AKAP13: variants seen among roughly 807,000 people sequenced by gnomAD.
AKAP13 encodes A-kinase anchor protein 13.
Under a neutral mutation model 264.5 loss-of-function variants are expected in AKAP13, and 80 were observed. That is an observed-to-expected ratio of 0.30 (90% confidence interval 0.25 to 0.36). The LOEUF is 0.36. Ranked by LOEUF, AKAP13 falls within the 10% of genes least tolerant of loss-of-function variation. The pLI is 1.00. For missense variants in AKAP13, 3,712 were observed against 3,435.2 expected (o/e 1.08, Z -2.01); for synonymous variants, 1,380 against 1,250.2 (o/e 1.10, Z -2.19).
intron 4 of AKAP13, chr15:85,536,574 A>T (rs945549404): frequency 6.6e-6 from 1 of 152,244 alleles, no homozygotes; most frequent in East Asian, 1.9e-4. Flanking sequence ...AATAACCCAG[A>T]TTTCCCTCAC....
intron 23 of AKAP13, 130 bp downstream of exon 23, chr15:85,719,456 T>G: frequency 1.6e-6 from 2 of 1,239,942 alleles, no homozygotes; most frequent in Non-Finnish European, 2.2e-6. Context: ...ACTTATTTAA[T>G]TTCTCTGGAG....
At chr15:85,589,353 A>T (rs2079493661) in intron 8 of AKAP13, among the ~76,000 whole-genome samples, 1 of 152,132 alleles carries the variant, frequency 6.6e-6, no homozygotes, top group South Asian at 2.1e-4. Flanking sequence ...AAGGAGTGTC[A>T]CTGTGCTTCA....
Position 85,562,312 on chromosome 15 carries a change from C to T in AKAP13, c.663-12819C>T, listed in dbSNP as rs538845398. Reference sequence around the variant, plus strand: ...GGGCGTGGTGGCTCACACCTGTAATCCCAGCAGTTTGGGAGGCCGAGGCGT... The same window carrying T: ...GGGCGTGGTGGCTCACACCTGTAATTCCAGCAGTTTGGGAGGCCGAGGCGT... On this transcript the variant is annotated intron_variant, in intron 5 of 36. Coordinates refer to ENST00000394518, the MANE Select transcript of AKAP13 (RefSeq NM_007200.5). 7.2e-5 allele frequency among the ~76,000 whole-genome samples: 11 copies of T among 152,080 alleles called. 1 individual carries two copies. The highest frequency in any genetic ancestry group is 2.7e-4 in the African/African-American group (11 of 41,484).
At chr15:85,593,877 G>GT (rs2079691602) in intron 8 of AKAP13, among the ~76,000 whole-genome samples, 1 of 152,074 alleles carries the variant, frequency 6.6e-6, no homozygotes, top group African/African-American at 2.4e-5. Context: ...GTGAATTAGG[G>GT]TTTTAACCTA....
chr15:85,633,162 G>A (rs1033929463), intron 8 of AKAP13, among the ~76,000 whole-genome samples: 1 of 152,126 alleles, frequency 6.6e-6, no homozygotes, highest in Non-Finnish European at 1.5e-5. Flanking sequence ...CACCGCGCCC[G>A]GCAGAAATAG....
chr15:85,741,733 A>C (rs373273512), intron 35 of AKAP13, among the ~76,000 whole-genome samples: 2,290 of 123,122 alleles, frequency 0.019, 29 homozygotes, highest in African/African-American at 0.043. Flanking sequence ...AACAAACAAA[A>C]AAAAAAAACA....
At chr15:85,744,464 C>T (rs1023394962) in intron 36 of AKAP13, 164 bp from the exon 37 acceptor site, 30 of 723,728 alleles carry the variant, frequency 4.1e-5, no homozygotes, top group Non-Finnish European at 6.6e-5. Flanking sequence ...ACTTAAGAAC[C>T]TTATTAACCA....
intron 10 of AKAP13, among the ~76,000 whole-genome samples, chr15:85,653,710 A>G (rs2082972129): frequency 6.6e-6 from 1 of 152,186 alleles, no homozygotes; most frequent in South Asian, 2.1e-4. Flanking sequence ...AACATTGAGT[A>G]GACTAATTTG....
At chr15:85,467,613 C>T (rs547372957) in intron 1 of AKAP13, among the ~76,000 whole-genome samples, 1 of 152,080 alleles carries the variant, frequency 6.6e-6, no homozygotes, top group Non-Finnish European at 1.5e-5. Context: ...GTAGAATTGG[C>T]CACTCCCTTG....
At chr15:85,627,305 A>G (rs1018124421) in intron 8 of AKAP13, among the ~76,000 whole-genome samples, 4 of 151,946 alleles carry the variant, frequency 2.6e-5, no homozygotes, top group East Asian at 3.9e-4. Flanking sequence ...TAGATTTCCT[A>G]TTTCTGTTCA....
intron 8 of AKAP13, among the ~76,000 whole-genome samples, chr15:85,635,370 A>G (rs2082026356): frequency 1.3e-5 from 2 of 152,250 alleles, no homozygotes; most frequent in East Asian, 1.9e-4. Flanking sequence ...TTTTAAATAA[A>G]ATGTTTATTC....
At chr15:85,648,210 A>G (rs1041717866) in intron 10 of AKAP13, among the ~76,000 whole-genome samples, 3 of 152,256 alleles carry the variant, frequency 2.0e-5, no homozygotes, top group African/African-American at 7.2e-5. Context: ...ATCATTGATA[A>G]TCATTGAAAC....
At chr15:85,700,491 G>A (rs1386372611) in intron 17 of AKAP13, among the ~76,000 whole-genome samples, 6 of 152,180 alleles carry the variant, frequency 3.9e-5, no homozygotes, top group East Asian at 1.9e-4. Context: ...AGAGGTACCC[G>A]TGGAGAATCA....
chr15:85,620,153 T>A (rs759419054), intron 8 of AKAP13: 168 of 1,535,990 alleles, frequency 1.1e-4, no homozygotes, highest in Non-Finnish European at 1.4e-4. Flanking sequence ...GACAGGACTG[T>A]GGACGTGGTA....
chr15:85,499,528 C>G (rs867430206), intron 2 of AKAP13, among the ~76,000 whole-genome samples: 33 of 152,238 alleles, frequency 2.2e-4, no homozygotes, highest in Admixed American at 2.6e-4. Context: ...TTAAAAATCC[C>G]TAGCCATGGA....
At chr15:85,679,048 G>T (rs1477939143) in intron 14 of AKAP13, among the ~76,000 whole-genome samples, 1 of 151,936 alleles carries the variant, frequency 6.6e-6, no homozygotes, top group Non-Finnish European at 1.5e-5. Flanking sequence ...AGACCAGTCT[G>T]GCCAACATAG....
intron 1 of AKAP13, among the ~76,000 whole-genome samples, chr15:85,397,989 A>G (rs1178785008): frequency 6.6e-6 from 1 of 152,232 alleles, no homozygotes; most frequent in Non-Finnish European, 1.5e-5. Context: ...GGAAGTATCC[A>G]TATTTTATGG....
chr15:85,446,630 C>A (rs2073906552), intron 1 of AKAP13, among the ~76,000 whole-genome samples: 1 of 151,798 alleles, frequency 6.6e-6, no homozygotes, highest in Non-Finnish European at 1.5e-5. Context: ...GATGCGAGGA[C>A]AATCTGGAAT....
intron 17 of AKAP13, among the ~76,000 whole-genome samples, chr15:85,697,701 T>TA (rs1354323439): frequency 6.6e-6 from 1 of 152,148 alleles, no homozygotes; most frequent in Non-Finnish European, 1.5e-5. Flanking sequence ...CATTGAAAGG[T>TA]ATTCATGGAT....
Sources: gnomAD v4.1 joint callset for allele counts (sites outside exome capture counted in the v4.1 genomes callset) on GRCh38, gnomAD v4.1.1 for gene constraint, MANE v1.5 for transcripts, NCBI Gene and HGNC (gene_info 2026-07-23, HGNC 2026-07-21) for gene names.